PCDHA4: variants seen among roughly 807,000 people sequenced by gnomAD.
PCDHA4 encodes the protein protocadherin alpha 4.
In PCDHA4, 49 loss-of-function variants were observed where a neutral mutation model predicts 61.4. That is an observed-to-expected ratio of 0.80 (90% CI 0.63 to 1.01). PCDHA4 has a LOEUF of 1.01. Ranked by LOEUF, PCDHA4 falls within the 50% of genes least tolerant of loss-of-function variation. The probability of loss-of-function intolerance (pLI) is 0.00; values close to 1 mark genes in which losing one functional copy is unlikely to be tolerated. For synonymous variants in PCDHA4, 590 were observed against 550.3 expected (o/e 1.07, Z -1.01); for missense variants, 1,254 against 1,235.8 (o/e 1.01, Z -0.22).
chr5:140,926,813 T>C, intron 1 of PCDHA4: 1 of 1,463,920 alleles, frequency 6.8e-7, no homozygotes, highest in East Asian at 2.5e-5. Flanking sequence ...CCGCGGCTCG[T>C]GCTCTCCAGG....
chr5:140,847,382 C>T (rs2150399833), intron 1 of PCDHA4: 1 of 149,622 alleles, frequency 6.7e-6, no homozygotes, highest in South Asian at 2.1e-4. Context: ...GATAAATATG[C>T]AAAAACATTA....
In PCDHA4 at chr5:140,848,506, C is replaced by G. The variant is rs1229499943; in HGVS notation, c.2385+38934C>G. 13 of 1,588,314 alleles carry G rather than the reference C, an allele frequency of 8.2e-6. 2 individuals carry two copies. The highest frequency in any genetic ancestry group is 1.3e-5 in the African/African-American group (1 of 74,152). On this transcript the variant is annotated intron_variant, in intron 1 of 3. Transcript: ENST00000530339. ...GACTGAGTATTTGAAATGTTATACT[C>G]AAGTCGAGGAGATCCAGAGGGTCAG...
At chr5:140,959,524 C>T (rs187530929) in intron 1 of PCDHA4, among the ~76,000 whole-genome samples, 1 of 152,024 alleles carries the variant, frequency 6.6e-6, no homozygotes. Context: ...ATCTTTAAGA[C>T]CATTAATTCA....
At chr5:140,879,190 C>T (rs2057894732) in intron 1 of PCDHA4, among the ~76,000 whole-genome samples, 1 of 152,052 alleles carries the variant, frequency 6.6e-6, no homozygotes. Context: ...GTAATGGAGA[C>T]TTAAATTATG....
chr5:140,851,865 A>G, intron 1 of PCDHA4: 3 of 976,808 alleles, frequency 3.1e-6, no homozygotes, highest in Non-Finnish European at 3.7e-6. Context: ...CTCATACATA[A>G]CACAAGGCAG....
intron 1 of PCDHA4, among the ~76,000 whole-genome samples, chr5:140,959,626 AAG>A (rs529579902): frequency 6.2e-4 from 95 of 152,334 alleles, no homozygotes; most frequent in African/African-American, 2.0e-3. Context: ...GATAGAAAAA[AAG>A]AGAGAAAAAA....
chr5:140,956,562 T>C (rs1395246956), intron 1 of PCDHA4, among the ~76,000 whole-genome samples: 1 of 152,212 alleles, frequency 6.6e-6, no homozygotes, highest in Non-Finnish European at 1.5e-5. Flanking sequence ...CAGTATCTTA[T>C]TGAGGATTTT....
intron 1 of PCDHA4, among the ~76,000 whole-genome samples, chr5:140,878,960 A>G (rs1028687741): frequency 6.6e-6 from 1 of 152,322 alleles, no homozygotes; most frequent in African/African-American, 2.4e-5. Context: ...GAAATGTATT[A>G]CCTGGACATT....
At chr5:140,824,078 T>G in intron 1 of PCDHA4, 1 of 1,614,194 alleles carries the variant, frequency 6.2e-7, no homozygotes, top group Non-Finnish European at 8.5e-7. Context: ...AAAACAGACC[T>G]CATGGCCTTC....
intron 3 of PCDHA4, among the ~76,000 whole-genome samples, chr5:140,994,539 CA>C (rs35651294): frequency 0.48 from 72,467 of 151,372 alleles, 18,531 homozygotes; most frequent in African/African-American, 0.67. Flanking sequence ...CCCATCTCTA[CA>C]AAAAAAATAT....
chr5:140,883,575 G>C (rs782472492), intron 1 of PCDHA4: 87 of 1,613,954 alleles, frequency 5.4e-5, no homozygotes, highest in Non-Finnish European at 7.4e-5. Context: ...CCTTCGCTGT[G>C]GGCCACGGCC....
intron 1 of PCDHA4, chr5:140,834,286 C>A: frequency 2.6e-6 from 3 of 1,172,442 alleles, no homozygotes; most frequent in Non-Finnish European, 2.4e-6. Flanking sequence ...GGATGCACAA[C>A]AATGGCCACA....
At chr5:140,922,866 G>GA (rs557650266) in intron 1 of PCDHA4, among the ~76,000 whole-genome samples, 1 of 152,096 alleles carries the variant, frequency 6.6e-6, no homozygotes. Flanking sequence ...TAGACAAGGG[G>GA]AAAAAATCCA....
At chr5:140,823,423 C>T (rs2150125747) in intron 1 of PCDHA4, 14 of 1,613,304 alleles carry the variant, frequency 8.7e-6, no homozygotes, top group Non-Finnish European at 1.1e-5. Flanking sequence ...CAACGTGACG[C>T]TGCAGGTGTT....
chr5:140,969,509 C>T (rs1554231905), intron 1 of PCDHA4: 1 of 1,416,140 alleles, frequency 7.1e-7, no homozygotes, highest in Non-Finnish European at 9.4e-7. Context: ...AAAAATAGCA[C>T]TAAAGAATTG....
At chr5:140,823,690 A>G in intron 1 of PCDHA4, 2 of 1,613,904 alleles carry the variant, frequency 1.2e-6, no homozygotes, top group South Asian at 2.2e-5. Context: ...TCTGGATGAG[A>G]CCGAAGCACC....
chr5:140,995,245 A>G (rs2097671494), intron 3 of PCDHA4, among the ~76,000 whole-genome samples: 1 of 152,194 alleles, frequency 6.6e-6, no homozygotes, highest in African/African-American at 2.4e-5. Flanking sequence ...ATTAAGTAAA[A>G]TAAGGGTACT....
intron 1 of PCDHA4, chr5:140,871,048 C>T (rs1472650820): frequency 6.2e-7 from 1 of 1,613,348 alleles, no homozygotes; most frequent in Non-Finnish European, 8.5e-7. Context: ...ACTTCTAGTA[C>T]TGGTGAAGGA....
rs1554206642 is a variant in PCDHA4, at chr5:140,929,061, G to C, written c.2386-49888G>C. The C allele has an allele frequency of 3.1e-6, 5 of 1,614,196 alleles. No individual in the cohort carries two copies. In the South Asian group the frequency reaches 5.5e-5, roughly 18 times the overall value. On this transcript the variant is annotated intron_variant, in intron 1 of 3. Transcript: ENST00000530339. Reference sequence around the variant, plus strand: ...CTCAGAGCTGCTGTCGCTCTACAGAGGATCTGAGGTATGGAAGTAAGATGG... The same window carrying C: ...CTCAGAGCTGCTGTCGCTCTACAGACGATCTGAGGTATGGAAGTAAGATGG...
Sources: allele counts gnomAD v4.1 joint callset (sites outside exome capture counted in the v4.1 genomes callset), GRCh38; gene constraint gnomAD v4.1.1; transcripts MANE v1.5; gene names NCBI Gene and HGNC (gene_info 2026-07-23, HGNC 2026-07-21).